SLF1: variants seen among roughly 807,000 people sequenced by gnomAD.
The protein encoded by SLF1 is SMC5-SMC6 complex localization factor protein 1.
Under a neutral mutation model 123.0 loss-of-function variants are expected in SLF1, and 105 were observed. That is an observed-to-expected ratio of 0.85 (90% confidence interval 0.73 to 1.00). The LOEUF is 1.00. Among genes scored for constraint, SLF1 ranks in the 50% least tolerant of loss-of-function variants. The pLI, the probability that SLF1 is intolerant of heterozygous loss-of-function variation, is 0.00. For missense variants in SLF1, 1,239 were observed against 1,223.0 expected (o/e 1.01, Z -0.20); for synonymous variants, 434 against 406.6 (o/e 1.07, Z -0.81).
intron 16 of SLF1, among the ~76,000 whole-genome samples, chr5:94,687,690 T>TCAACAA (rs142879632): frequency 0.051 from 7,718 of 150,204 alleles, 346 homozygotes; most frequent in East Asian, 0.19. Context: ...AGACCCTGTC[T>TCAACAA]CAACAACAAC....
At chr5:94,631,644 A>G (rs910752288) in intron 4 of SLF1, among the ~76,000 whole-genome samples, 7 of 152,140 alleles carry the variant, frequency 4.6e-5, no homozygotes, top group Non-Finnish European at 8.8e-5. Flanking sequence ...CAGTCTGTTT[A>G]TTCACATATT....
intron 15 of SLF1, 139 bp downstream of exon 15, chr5:94,679,094 T>TACGCACACA: frequency 2.2e-6 from 2 of 900,738 alleles, no homozygotes; most frequent in South Asian, 3.7e-5. Context: ...CACACATAGA[T>TACGCACACA]TCACACACAC....
At chr5:94,623,425 AT>A (rs1411263664) in intron 1 of SLF1, among the ~76,000 whole-genome samples, 5 of 152,016 alleles carry the variant, frequency 3.3e-5, no homozygotes, top group Non-Finnish European at 7.4e-5. Context: ...TATAATTTTA[AT>A]TTTTTTGACA....
intron 3 of SLF1, 144 bp from the exon 4 acceptor site, chr5:94,630,359 A>G (rs1036935095): frequency 1.0e-6 from 1 of 975,818 alleles, no homozygotes; most frequent in African/African-American, 1.6e-5. Flanking sequence ...AAATTTCCCC[A>G]AAATGCATAG....
At chr5:94,620,611 A>C (rs115819456) in intron 1 of SLF1, among the ~76,000 whole-genome samples, 3,246 of 152,306 alleles carry the variant, frequency 0.021, 113 homozygotes, top group African/African-American at 0.074. Flanking sequence ...CTTTTTTAGA[A>C]AGTAAAATAA....
At chr5:94,692,696 G>A (rs1753169496) in intron 20 of SLF1, among the ~76,000 whole-genome samples, 1 of 151,980 alleles carries the variant, frequency 6.6e-6, no homozygotes, top group South Asian at 2.1e-4. Flanking sequence ...AGTCATTTCT[G>A]TACAGACTGT....
chr5:94,643,306 AC>A lies in SLF1; in HGVS notation c.467del (p.Pro156GlnfsTer8). On this transcript the variant is annotated frameshift_variant, in exon 5 of 21. Transcript: ENST00000265140. LOFTEE classifies it high-confidence loss of function. The stretch of plus-strand genomic sequence containing the variant: ...AGGCTGGAAAGGCAAATGTTATTTT[AC>A]CAAAAAGTTCACCAAGTGGAATAAC... ...LEAGKANVIL[P>X]KSSPSGITHV... 1 of 1,542,624 alleles carries A rather than the reference AC, an allele frequency of 6.5e-7. No homozygotes were observed. The highest frequency in any genetic ancestry group is 8.7e-7 in the Non-Finnish European group (1 of 1,143,430).
intron 9 of SLF1, among the ~76,000 whole-genome samples, chr5:94,657,941 A>G (rs1748606848): frequency 6.6e-6 from 1 of 152,034 alleles, no homozygotes; most frequent in Admixed American, 6.5e-5. Context: ...ATGTTTTAAC[A>G]GGTGGAGAGA....
In SLF1 at chr5:94,651,691, C is replaced by A. The variant is rs1315132354; in HGVS notation, c.739-11C>A. 2.6e-6 allele frequency: 4 copies of A among 1,511,530 alleles called. No individual in the cohort carries two copies. The highest frequency in any genetic ancestry group is 3.5e-6 in the Non-Finnish European group (4 of 1,130,456). The allele number at this position is 1,511,530 out of a possible 1,614,324, so 93.6% of individuals were successfully genotyped here. On this transcript the variant is annotated splice_polypyrimidine_tract_variant and intron_variant, in intron 6 of 20. Transcript: ENST00000265140. ...CACAGTCTTAACTAAATTATGTTTA[C>A]AAACACGCAGAAAGAAATGCAAAAT...
intron 14 of SLF1, among the ~76,000 whole-genome samples, chr5:94,677,943 C>T (rs1166651946): frequency 2.7e-5 from 4 of 148,034 alleles, no homozygotes; most frequent in Admixed American, 6.7e-5. Context: ...TTTTTTGAGA[C>T]GGAGTCTCAC....
intron 7 of SLF1, among the ~76,000 whole-genome samples, chr5:94,652,405 T>C (rs1238258656): frequency 6.6e-6 from 1 of 152,232 alleles, no homozygotes; most frequent in Non-Finnish European, 1.5e-5. Flanking sequence ...TTTTTCATTA[T>C]AGTTTTAACA....
intron 16 of SLF1, among the ~76,000 whole-genome samples, chr5:94,687,044 G>A (rs1350504888): frequency 6.6e-6 from 1 of 152,158 alleles, no homozygotes; most frequent in Non-Finnish European, 1.5e-5. Flanking sequence ...GATTACAGGC[G>A]TGAGCCACCA....
chr5:94,671,450 C>T (rs1036243389), intron 14 of SLF1, among the ~76,000 whole-genome samples: 1 of 151,168 alleles, frequency 6.6e-6, no homozygotes, highest in Non-Finnish European at 1.5e-5. Flanking sequence ...TTGATTTTGC[C>T]TGTCATTAGA....
At chr5:94,674,668 G>C (rs1220889972) in intron 14 of SLF1, among the ~76,000 whole-genome samples, 1 of 152,138 alleles carries the variant, frequency 6.6e-6, no homozygotes, top group Non-Finnish European at 1.5e-5. Flanking sequence ...GAAGTCCTCA[G>C]TTTATGCTAA....
rs2152501182 is a variant in SLF1, at chr5:94,696,098, T to C, written c.*786T>C. The C allele has an allele frequency of 6.6e-6, 1 of 151,914 alleles. No individual in the cohort carries two copies. The highest frequency in any genetic ancestry group is 1.9e-4 in the East Asian group (1 of 5,162). 9.4% of individuals were successfully genotyped at this position (151,914 alleles called of 1,614,324 possible). A position where few individuals can be genotyped will look rare whatever the true frequency, so the allele number is the denominator to read the frequency against. On this transcript the variant is annotated 3_prime_UTR_variant, in exon 21 of 21. Coordinates refer to ENST00000265140, the MANE Select transcript of SLF1 (RefSeq NM_032290.4). ...TTTGAGATTATTTAAGATCTTAATA[T>C]ATAGTATGAATTTACTGAGTAGTAA...
At chr5:94,687,779 T>G (rs1335558131) in intron 16 of SLF1, among the ~76,000 whole-genome samples, 1 of 152,122 alleles carries the variant, frequency 6.6e-6, no homozygotes, top group Admixed American at 6.5e-5. Context: ...CAAGGGTTGA[T>G]CATAGAAAAC....
intron 14 of SLF1, among the ~76,000 whole-genome samples, chr5:94,674,430 A>G (rs1197329547): frequency 1.3e-5 from 2 of 152,220 alleles, no homozygotes; most frequent in Non-Finnish European, 2.9e-5. Context: ...AATTTTGCAA[A>G]TTAATATTTT....
chr5:94,636,420 C>G (rs1224632281), intron 4 of SLF1, among the ~76,000 whole-genome samples: 1 of 152,036 alleles, frequency 6.6e-6, no homozygotes, highest in South Asian at 2.1e-4. Context: ...GTTATTAGGT[C>G]TCATAATTCC....
chr5:94,692,456 ATTTG>A (rs1411285480), intron 20 of SLF1, among the ~76,000 whole-genome samples, 200 bp downstream of exon 20: 2 of 152,074 alleles, frequency 1.3e-5, no homozygotes, highest in African/African-American at 4.8e-5. Flanking sequence ...CATAATGTAT[ATTTG>A]TTTATGTATA....
Sources: gnomAD v4.1 joint callset for allele counts (sites outside exome capture counted in the v4.1 genomes callset) on GRCh38, gnomAD v4.1.1 for gene constraint, MANE v1.5 for transcripts, NCBI Gene and HGNC (gene_info 2026-07-23, HGNC 2026-07-21) for gene names.